Variants in BMPR1B observed in about 807,000 individuals in gnomAD.
BMPR1B encodes bone morphogenetic protein receptor type-1B.
A neutral mutation model predicts 59.1 loss-of-function variants in BMPR1B; 12 were observed. That is an observed-to-expected ratio of 0.20 (90% CI 0.13 to 0.33). The LOEUF is 0.33. Among genes scored for constraint, BMPR1B ranks in the 10% least tolerant of loss-of-function variants. The probability of loss-of-function intolerance (pLI) is 1.00; values close to 1 mark genes in which losing one functional copy is unlikely to be tolerated. For missense variants in BMPR1B, 550 were observed against 610.9 expected (o/e 0.90, Z 1.05); for synonymous variants, 237 against 207.3 (o/e 1.14, Z -1.23).
chr4:95,031,070 C>T (rs1235805838), intron 3 of BMPR1B, among the ~76,000 whole-genome samples: 4 of 151,994 alleles, frequency 2.6e-5, no homozygotes, highest in Admixed American at 2.6e-4. Context: ...CAAGTCAATC[C>T]TAAGCCAAAA....
chr4:94,764,897 G>T (rs368050680), intron 1 of BMPR1B, among the ~76,000 whole-genome samples: 2 of 152,104 alleles, frequency 1.3e-5, no homozygotes, highest in South Asian at 4.2e-4. Context: ...TATTTGGGAG[G>T]ACTGGGAAGG....
At chr4:94,811,358 C>T (rs534703922) in intron 1 of BMPR1B, among the ~76,000 whole-genome samples, 1 of 152,262 alleles carries the variant, frequency 6.6e-6, no homozygotes, top group Non-Finnish European at 1.5e-5. Context: ...ACTTTGGAGG[C>T]TCTCATGGGC....
At chr4:94,980,577 G>A (rs1350062436) in intron 2 of BMPR1B, among the ~76,000 whole-genome samples, 1 of 152,038 alleles carries the variant, frequency 6.6e-6, no homozygotes, top group Non-Finnish European at 1.5e-5. Flanking sequence ...TAGGTGAATT[G>A]GCATATGTGC....
chr4:94,841,716 C>G (rs1055384057), intron 1 of BMPR1B, among the ~76,000 whole-genome samples: 2 of 152,206 alleles, frequency 1.3e-5, no homozygotes, highest in African/African-American at 4.8e-5. Context: ...AATCACCCGT[C>G]TTCTGCGTTG....
intron 2 of BMPR1B, among the ~76,000 whole-genome samples, chr4:94,919,137 C>G (rs76279083): frequency 3.3e-5 from 5 of 152,282 alleles, no homozygotes; most frequent in Non-Finnish European, 4.4e-5. Flanking sequence ...CCAACTCTTT[C>G]AACATGGCTG....
intron 3 of BMPR1B, among the ~76,000 whole-genome samples, chr4:95,087,473 G>T (rs118040421): frequency 6.6e-6 from 1 of 152,022 alleles, no homozygotes; most frequent in African/African-American, 2.4e-5. Context: ...GCTCACACCC[G>T]TAATCCCAGA....
intron 3 of BMPR1B, among the ~76,000 whole-genome samples, chr4:95,085,282 T>A (rs1181245829): frequency 1.3e-5 from 2 of 152,024 alleles, no homozygotes; most frequent in Non-Finnish European, 2.9e-5. Flanking sequence ...AGCAGACCAA[T>A]GGCAGGTCGC....
At chr4:94,915,551 C>G (rs1728450985) in intron 2 of BMPR1B, among the ~76,000 whole-genome samples, 1 of 152,124 alleles carries the variant, frequency 6.6e-6, no homozygotes, top group Non-Finnish European at 1.5e-5. Context: ...GATGTTTCAT[C>G]TTTTCTGTAA....
At chr4:94,941,728 G>T (rs1406340540) in intron 2 of BMPR1B, among the ~76,000 whole-genome samples, 1 of 152,048 alleles carries the variant, frequency 6.6e-6, no homozygotes, top group African/African-American at 2.4e-5. Context: ...ATTGCTCTGT[G>T]TTTTCCAGGA....
intron 1 of BMPR1B, among the ~76,000 whole-genome samples, chr4:94,768,786 T>G (rs977337088): frequency 1.3e-5 from 2 of 152,180 alleles, no homozygotes; most frequent in African/African-American, 4.8e-5. Context: ...ATCATTTGAT[T>G]ATGTAGTTTC....
intron 3 of BMPR1B, among the ~76,000 whole-genome samples, chr4:95,021,084 G>A (rs1723948801): frequency 6.6e-6 from 1 of 152,134 alleles, no homozygotes; most frequent in Non-Finnish European, 1.5e-5. Context: ...GAAAGAAATA[G>A]TCATATATGG....
At chr4:95,095,693 T>A (rs1009699505) in intron 3 of BMPR1B, among the ~76,000 whole-genome samples, 2 of 152,076 alleles carry the variant, frequency 1.3e-5, no homozygotes, top group Non-Finnish European at 2.9e-5. Flanking sequence ...TATATGTCAC[T>A]TTTTAATGAA....
chr4:95,148,248 A>C (rs1010450604), intron 10 of BMPR1B, among the ~76,000 whole-genome samples: 1 of 152,218 alleles, frequency 6.6e-6, no homozygotes, highest in Non-Finnish European at 1.5e-5. Context: ...TCATGTGTGC[A>C]TGCCCATTTT....
chr4:94,919,583 G>A (rs1458296701), intron 2 of BMPR1B, among the ~76,000 whole-genome samples: 1 of 151,804 alleles, frequency 6.6e-6, no homozygotes, highest in African/African-American at 2.4e-5. Context: ...CCAGACTGTA[G>A]AGTTTGAGAA....
At chr4:94,940,193 A>G (rs1415130321) in intron 2 of BMPR1B, among the ~76,000 whole-genome samples, 2 of 152,228 alleles carry the variant, frequency 1.3e-5, no homozygotes, top group Admixed American at 6.5e-5. Context: ...CATTTTCAAT[A>G]TGGCTTATGG....
chr4:94,930,588 T>A (rs1344973134), intron 2 of BMPR1B, among the ~76,000 whole-genome samples: 1 of 152,134 alleles, frequency 6.6e-6, no homozygotes, highest in Non-Finnish European at 1.5e-5. Context: ...GAATGTTGAA[T>A]GGATTAATGA....
intron 2 of BMPR1B, among the ~76,000 whole-genome samples, chr4:94,934,545 G>T (rs1729217288): frequency 6.8e-6 from 1 of 146,968 alleles, no homozygotes; most frequent in Non-Finnish European, 1.5e-5. Flanking sequence ...GTTGCCGAAG[G>T]TGCTAACCTA....
chr4:94,926,500 G>C (rs984049751), intron 2 of BMPR1B, among the ~76,000 whole-genome samples: 1 of 152,066 alleles, frequency 6.6e-6, no homozygotes, highest in Non-Finnish European at 1.5e-5. Flanking sequence ...GTTTGCCCCA[G>C]AGTTCAGATG....
chr4:95,039,276 T>C (rs139473561), intron 3 of BMPR1B, among the ~76,000 whole-genome samples: 37 of 152,302 alleles, frequency 2.4e-4, no homozygotes, highest in African/African-American at 8.9e-4. Context: ...TATCTTATGC[T>C]TTTGCTGTAA....
Sources: allele counts gnomAD v4.1 joint callset (sites outside exome capture counted in the v4.1 genomes callset), GRCh38; gene constraint gnomAD v4.1.1; transcripts MANE v1.5; gene names NCBI Gene and HGNC (gene_info 2026-07-23, HGNC 2026-07-21).